The following NKAIN3 variants were observed in gnomAD, a reference collection of about 807,000 sequenced individuals.
NKAIN3 encodes the protein sodium/potassium transporting ATPase interacting 3, also known as sodium/potassium-transporting ATPase subunit beta-1-interacting protein 3.
NKAIN3 carries 25 observed loss-of-function variants against 30.2 expected under a neutral mutation model. The observed-to-expected ratio is 0.83, with a 90% CI of 0.60 to 1.16. The LOEUF (loss-of-function observed/expected upper bound fraction) is 1.16, where lower values mean the gene tolerates loss of function less well. Ranked by LOEUF, NKAIN3 falls within the 50% of genes most tolerant of loss-of-function variation. The pLI, the probability that NKAIN3 is intolerant of heterozygous loss-of-function variation, is 0.00. For synonymous variants in NKAIN3, 91 were observed against 89.6 expected (o/e 1.02, Z -0.09); for missense variants, 225 against 254.1 (o/e 0.89, Z 0.78).
intron 1 of NKAIN3, among the ~76,000 whole-genome samples, chr8:62,382,918 A>T (rs1339326709): frequency 1.3e-5 from 2 of 152,180 alleles, no homozygotes; most frequent in East Asian, 3.9e-4. Flanking sequence ...TTTCTACAAT[A>T]ACGATGGCCA....
chr8:62,801,538 A>G (rs1263629740), intron 4 of NKAIN3, among the ~76,000 whole-genome samples: 1 of 152,212 alleles, frequency 6.6e-6, no homozygotes, highest in African/African-American at 2.4e-5. Context: ...GCAAACTCCA[A>G]CAGACCTGCA....
rs1554574217 is a variant in NKAIN3 at position 62,753,230 on chromosome 8, A to ACACG, written c.471+6113_471+6116dup. Reference sequence around the variant, plus strand: ...GATGCACACACACACACACACACACACACGCACGCACGCACAGTATAGCAT... The same window carrying ACACG: ...GATGCACACACACACACACACACACACACGCACGCACGCACGCACAGTATAGCAT... On this transcript the variant is annotated intron_variant, in intron 4 of 6. Transcript: ENST00000623646. 9.9e-3 allele frequency among the ~76,000 whole-genome samples: 1,493 copies of ACACG among 151,332 alleles called. 24 individuals are homozygous for ACACG. Among genetic ancestry groups the ACACG allele is most frequent in the African/African-American group, 0.035 (1,432 of 40,870 alleles).
chr8:62,297,491 C>T (rs1460346826), intron 1 of NKAIN3, among the ~76,000 whole-genome samples: 1 of 151,998 alleles, frequency 6.6e-6, no homozygotes, highest in Non-Finnish European at 1.5e-5. Flanking sequence ...AAACAAACAA[C>T]CCCATCAAAA....
chr8:62,317,705 A>G (rs1814690865), intron 1 of NKAIN3, among the ~76,000 whole-genome samples: 1 of 152,202 alleles, frequency 6.6e-6, no homozygotes, highest in Non-Finnish European at 1.5e-5. Flanking sequence ...GAAGTCAGGT[A>G]GTGTGAATGC....
chr8:62,531,056 C>T (rs1191446511), intron 1 of NKAIN3, among the ~76,000 whole-genome samples: 1 of 152,128 alleles, frequency 6.6e-6, no homozygotes, highest in African/African-American at 2.4e-5. Context: ...CATATGTTTT[C>T]TCTCTCTCTG....
chr8:62,886,252 T>C (rs1454380888), intron 4 of NKAIN3, among the ~76,000 whole-genome samples: 1 of 152,076 alleles, frequency 6.6e-6, no homozygotes, highest in East Asian at 1.9e-4. Context: ...AGTTCCCAGG[T>C]AGAGTGAGTG....
intron 1 of NKAIN3, among the ~76,000 whole-genome samples, chr8:62,552,131 G>A (rs1426053966): frequency 6.6e-6 from 1 of 152,136 alleles, no homozygotes; most frequent in Non-Finnish European, 1.5e-5. Context: ...AGACCTCACT[G>A]ATTATTGTTT....
chr8:62,404,121 AT>A (rs1803981146), intron 1 of NKAIN3, among the ~76,000 whole-genome samples: 1 of 152,206 alleles, frequency 6.6e-6, no homozygotes, highest in Non-Finnish European at 1.5e-5. Context: ...AATTTATCAC[AT>A]TTAGAATAGG....
At chr8:62,578,692 G>A (rs142046299) in intron 1 of NKAIN3, among the ~76,000 whole-genome samples, 1 of 151,962 alleles carries the variant, frequency 6.6e-6, no homozygotes, top group East Asian at 1.9e-4. Context: ...ACTAGTTCTA[G>A]TGTCACAAGC....
chr8:62,943,193 AAAAC>A (rs773610769), intron 5 of NKAIN3, among the ~76,000 whole-genome samples: 39 of 152,246 alleles, frequency 2.6e-4, no homozygotes, highest in East Asian at 5.8e-4. Flanking sequence ...CCGCAGGAAA[AAAAC>A]AAACAAACAA....
chr8:62,794,959 T>A (rs1179752433), intron 4 of NKAIN3, among the ~76,000 whole-genome samples: 2 of 152,104 alleles, frequency 1.3e-5, no homozygotes, highest in African/African-American at 4.8e-5. Flanking sequence ...GATCTTTCCA[T>A]CCCCTTCACA....
chr8:62,533,435 C>T (rs1005886612), intron 1 of NKAIN3, among the ~76,000 whole-genome samples: 9 of 152,194 alleles, frequency 5.9e-5, no homozygotes, highest in Admixed American at 3.3e-4. Flanking sequence ...TGTATAGTTT[C>T]GCCTGAAGCG....
intron 3 of NKAIN3, among the ~76,000 whole-genome samples, chr8:62,684,557 C>T (rs1279770448): frequency 6.6e-6 from 1 of 152,106 alleles, no homozygotes; most frequent in East Asian, 1.9e-4. Context: ...GCATAGCTGG[C>T]TCAAAGCTGT....
At chr8:62,911,038 T>C (rs1821911147) in intron 4 of NKAIN3, among the ~76,000 whole-genome samples, 1 of 152,138 alleles carries the variant, frequency 6.6e-6, no homozygotes. Context: ...TCAAAGAGGC[T>C]AACAATATGT....
intron 4 of NKAIN3, among the ~76,000 whole-genome samples, chr8:62,756,367 T>C (rs1468434455): frequency 6.6e-6 from 1 of 152,192 alleles, no homozygotes; most frequent in East Asian, 1.9e-4. Context: ...TTAGCACATA[T>C]TTTTAAGGTT....
Position 62,279,024 on chromosome 8 carries a change from T to C in NKAIN3, c.54+29897T>C, listed in dbSNP as rs112854430. Among the ~76,000 whole-genome samples, 312 of 152,282 alleles carry C rather than the reference T, an allele frequency of 2.0e-3. 1 individual carries two copies. The highest frequency in any genetic ancestry group is 2.7e-3 in the Non-Finnish European group (184 of 68,016). ...TGTAAAAGCTTTCCTATTCTCCACA[T>C]CCTCCCCATCACCTGTTGTTTTCTG... is the stretch of plus-strand genomic sequence containing the variant. On this transcript the variant is annotated intron_variant, in intron 1 of 6. Coordinates refer to ENST00000623646, the MANE Select transcript of NKAIN3 (RefSeq NM_001304533.3).
At chr8:62,803,313 T>G (rs1414315997) in intron 4 of NKAIN3, among the ~76,000 whole-genome samples, 2 of 152,074 alleles carry the variant, frequency 1.3e-5, no homozygotes, top group Non-Finnish European at 2.9e-5. Flanking sequence ...GAATATACAT[T>G]TTTTTCAGCA....
At chr8:62,676,714 CTTT>C (rs5891868) in intron 3 of NKAIN3, among the ~76,000 whole-genome samples, 9 of 138,490 alleles carry the variant, frequency 6.5e-5, no homozygotes, top group Admixed American at 1.4e-4. Context: ...TAATAACAGT[CTTT>C]TTTTTTTTTT....
chr8:62,682,210 C>A (rs1477667607), intron 3 of NKAIN3, among the ~76,000 whole-genome samples: 2 of 152,014 alleles, frequency 1.3e-5, no homozygotes, highest in Non-Finnish European at 1.5e-5. Flanking sequence ...GAACACACAC[C>A]CTCACTGGGA....
Sources: gnomAD v4.1 joint callset for allele counts (sites outside exome capture counted in the v4.1 genomes callset) on GRCh38, gnomAD v4.1.1 for gene constraint, MANE v1.5 for transcripts, NCBI Gene and HGNC (gene_info 2026-07-23, HGNC 2026-07-21) for gene names.